PPP4R4: variants seen among roughly 807,000 people sequenced by gnomAD.
PPP4R4 encodes protein phosphatase 4 regulatory subunit 4.
Under a neutral mutation model 121.8 loss-of-function variants are expected in PPP4R4, and 70 were observed. That is an observed-to-expected ratio of 0.57 (90% CI 0.47 to 0.70). The LOEUF is 0.70. Among genes scored for constraint, PPP4R4 ranks in the 30% least tolerant of loss-of-function variants. The probability of loss-of-function intolerance (pLI) is 0.00; values close to 1 mark genes in which losing one functional copy is unlikely to be tolerated. For synonymous variants in PPP4R4, 348 were observed against 355.7 expected (o/e 0.98, Z 0.24); for missense variants, 875 against 1,033.6 (o/e 0.85, Z 2.10).
intron 2 of PPP4R4, among the ~76,000 whole-genome samples, chr14:94,187,945 A>G (rs1458660937): frequency 1.3e-5 from 2 of 152,146 alleles, no homozygotes; most frequent in Admixed American, 6.5e-5. Flanking sequence ...AGTTATGTTA[A>G]TTTAGGTCAT....
At position 94,265,792 on chromosome 14, in the gene PPP4R4, A is replaced by G; in HGVS notation, c.2285-2A>G. 1 of 1,593,994 alleles carries G rather than the reference A, an allele frequency of 6.3e-7. No individual in the cohort carries two copies. The highest frequency in any genetic ancestry group is 8.6e-7 in the Non-Finnish European group (1 of 1,165,878). On this transcript the variant is annotated splice_acceptor_variant, in intron 21 of 24. Transcript: ENST00000304338. LOFTEE classifies it high-confidence loss of function. The stretch of plus-strand genomic sequence containing the variant: ...TTTTCTTTTTTCTGCTTATTGCTCT[A>G]GGTAAAGAAATCAAGAAATCCAAAC...
chr14:94,230,565 C>T, intron 3 of PPP4R4, 22 bp from the exon 4 acceptor site: 1 of 1,591,042 alleles, frequency 6.3e-7, no homozygotes, highest in Non-Finnish European at 8.6e-7. Flanking sequence ...ATGTAAATAG[C>T]AAACTCTTTC....
At chr14:94,270,489 A>G (rs1288432873) in intron 23 of PPP4R4, among the ~76,000 whole-genome samples, 2 of 152,258 alleles carry the variant, frequency 1.3e-5, no homozygotes, top group African/African-American at 2.4e-5. Flanking sequence ...AACAATTACT[A>G]TAAAATGCTG....
Position 94,268,278 on chromosome 14 carries a change from G to C in PPP4R4, c.2449+1249G>C, listed in dbSNP as rs534305268. ...GTTCATAAGGGGTTCTTCAGACTTG[G>C]ATGGATCTCACCTGTCCTCTTGGTA... On this transcript the variant is annotated intron_variant, in intron 23 of 24. Transcript: ENST00000304338. Among the ~76,000 whole-genome samples, 26 of 152,286 alleles carry C rather than the reference G, an allele frequency of 1.7e-4. No homozygotes were observed. In the South Asian group the frequency reaches 5.2e-3, roughly 30 times the overall value.
intron 3 of PPP4R4, among the ~76,000 whole-genome samples, chr14:94,210,296 ATATT>A (rs1286461758): frequency 6.6e-6 from 1 of 151,794 alleles, no homozygotes; most frequent in Non-Finnish European, 1.5e-5. Flanking sequence ...CATGTATAAC[ATATT>A]TATACAAAGA....
intron 2 of PPP4R4, among the ~76,000 whole-genome samples, chr14:94,196,888 G>C (rs940269453): frequency 2.6e-5 from 4 of 152,018 alleles, no homozygotes; most frequent in African/African-American, 9.7e-5. Flanking sequence ...TGGTCTTTGG[G>C]AATATTAGTC....
intron 22 of PPP4R4, 65 bp downstream of exon 22, chr14:94,265,952 TGA>T (rs1894029908): frequency 9.5e-7 from 1 of 1,050,678 alleles, no homozygotes; most frequent in African/African-American, 1.7e-5. Context: ...TTCATATATA[TGA>T]GTTTACATTT....
chr14:94,244,343 C>T (rs1245316120), intron 11 of PPP4R4, among the ~76,000 whole-genome samples: 1 of 152,150 alleles, frequency 6.6e-6, no homozygotes, highest in African/African-American at 2.4e-5. Context: ...GAACTAGAGG[C>T]CCCTGTGGGC....
chr14:94,198,964 A>G (rs1384173922), intron 2 of PPP4R4, among the ~76,000 whole-genome samples: 1 of 152,220 alleles, frequency 6.6e-6, no homozygotes, highest in African/African-American at 2.4e-5. Context: ...TGCTAGTATT[A>G]GCCCTACAAC....
At chr14:94,240,833 T>A (rs565512403) in intron 9 of PPP4R4, 38 bp downstream of exon 9, 1 of 1,447,134 alleles carries the variant, frequency 6.9e-7, no homozygotes, top group South Asian at 1.6e-5. Flanking sequence ...CTGTAGATAA[T>A]TTTTCCCTTT....
At chr14:94,234,398 A>G (rs1323541098) in intron 6 of PPP4R4, among the ~76,000 whole-genome samples, 164 bp from the exon 7 acceptor site, 1 of 152,232 alleles carries the variant, frequency 6.6e-6, no homozygotes, top group East Asian at 1.9e-4. Flanking sequence ...AGCTAATAAC[A>G]TCCAAATTTA....
At chr14:94,243,949 T>C (rs895239057) in intron 11 of PPP4R4, among the ~76,000 whole-genome samples, 1 of 151,388 alleles carries the variant, frequency 6.6e-6, no homozygotes, top group East Asian at 2.0e-4. Context: ...CAAAGAATTT[T>C]AAAACACTTT....
chr14:94,246,349 A>T lies in PPP4R4; in HGVS notation c.1429-8A>T, dbSNP rs200025432. On this transcript the variant is annotated splice_polypyrimidine_tract_variant and splice_region_variant and intron_variant, in intron 13 of 24. Coordinates refer to ENST00000304338, the MANE Select transcript of PPP4R4 (RefSeq NM_058237.2). ...TATAATTGATTTTTTGATGCGTTTCATTTTCAGTTATCTTCTCTGCCTGAC... is the reference window on the plus strand; with the variant it reads ...TATAATTGATTTTTTGATGCGTTTCTTTTTCAGTTATCTTCTCTGCCTGAC... The T allele has an allele frequency of 1.3e-6, 2 of 1,584,430 alleles. No homozygotes were observed. The highest frequency in any genetic ancestry group is 1.7e-6 in the Non-Finnish European group (2 of 1,171,124).
chr14:94,240,943 A>T lies in PPP4R4; in HGVS notation c.976+148A>T, dbSNP rs866463301. On this transcript the variant is annotated intron_variant, in intron 9 of 24. Coordinates refer to ENST00000304338, the MANE Select transcript of PPP4R4 (RefSeq NM_058237.2). ...TATGAGATCTTAGAATTTTGATAGC[A>T]TCATTTAGAGCACATTTAGGAATGA... 6 of 1,074,324 alleles carry T rather than the reference A, an allele frequency of 5.6e-6. No individual in the cohort carries two copies. The African/African-American group carries it at 1.0e-4, about 18-fold the overall frequency. 66.5% of individuals were successfully genotyped at this position (1,074,324 alleles called of 1,614,324 possible).
intron 11 of PPP4R4, 21 bp downstream of exon 11, chr14:94,242,429 T>C (rs1892683529): frequency 2.5e-6 from 4 of 1,593,832 alleles, no homozygotes; most frequent in South Asian, 1.1e-5. Flanking sequence ...AGACTTGATA[T>C]CACTTTACGT....
intron 3 of PPP4R4, among the ~76,000 whole-genome samples, chr14:94,222,031 G>A (rs1012527869): frequency 1.3e-5 from 2 of 151,898 alleles, no homozygotes; most frequent in African/African-American, 4.8e-5. Context: ...GTTATGTGTT[G>A]AAATTTCTTC....
intron 2 of PPP4R4, among the ~76,000 whole-genome samples, chr14:94,187,707 C>T (rs1342930852): frequency 5.3e-5 from 8 of 151,890 alleles, no homozygotes; most frequent in Non-Finnish European, 8.8e-5. Flanking sequence ...TTAGTCTTCT[C>T]TTGGCTGTGA....
rs1028335606 is a variant in PPP4R4, at chr14:94,241,955, C to A, written c.1144C>A (p.Pro382Thr). Residue 382 changes from proline (P) to threonine (T), a missense_variant and splice_region_variant, in exon 10 of 25, where the codon CCG becomes ACG. Transcript: ENST00000304338. The stretch of plus-strand genomic sequence containing the variant: ...ACGGAAGAACTGTGCTTATAACTTT[C>A]CGGTAATAAATATGTATTTATATTT... ...SVRKNCAYNFPAMIVFVDPKN... is the reference protein window; with the variant it reads ...SVRKNCAYNFTAMIVFVDPKN... The A allele has an allele frequency of 6.3e-7, 1 of 1,582,054 alleles. No individual in the cohort carries two copies. Among genetic ancestry groups the A allele is most frequent in the African/African-American group, 1.4e-5 (1 of 73,258 alleles).
intron 2 of PPP4R4, among the ~76,000 whole-genome samples, chr14:94,203,823 A>G (rs1279703175): frequency 6.6e-6 from 1 of 152,102 alleles, no homozygotes; most frequent in African/African-American, 2.4e-5. Context: ...GCTTATTTGC[A>G]ATCTGTATAT....
Sources: allele counts gnomAD v4.1 joint callset (sites outside exome capture counted in the v4.1 genomes callset), GRCh38; gene constraint gnomAD v4.1.1; transcripts MANE v1.5; gene names NCBI Gene and HGNC (gene_info 2026-07-23, HGNC 2026-07-21).